NOS1AP: variants seen among roughly 807,000 people sequenced by gnomAD.
The protein encoded by NOS1AP is carboxyl-terminal PDZ ligand of neuronal nitric oxide synthase protein.
Under a neutral mutation model 56.2 loss-of-function variants are expected in NOS1AP, and 21 were observed. The observed-to-expected ratio is 0.37, with a 90% CI of 0.26 to 0.54. The LOEUF is 0.54. NOS1AP is among the 20% of genes least tolerant of loss of function. The pLI is 0.84. For synonymous variants in NOS1AP, 270 were observed against 274.6 expected, an observed-to-expected ratio of 0.98 and a Z score of 0.17; for missense variants, 522 against 657.8, an observed-to-expected ratio of 0.79 and a Z score of 2.26.
At chr1:162,187,035 C>T (rs1290058249) in intron 2 of NOS1AP, among the ~76,000 whole-genome samples, 1 of 152,078 alleles carries the variant, frequency 6.6e-6, no homozygotes, top group Non-Finnish European at 1.5e-5. Context: ...GACCTGATCT[C>T]GGCTCACTAC....
intron 1 of NOS1AP, among the ~76,000 whole-genome samples, chr1:162,108,735 C>T (rs922679395): frequency 6.6e-6 from 1 of 151,268 alleles, no homozygotes; most frequent in African/African-American, 2.4e-5. Context: ...AGGATTTATA[C>T]AGGGGGCAGA....
intron 1 of NOS1AP, among the ~76,000 whole-genome samples, chr1:162,080,423 AG>A (rs1280521411): frequency 1.3e-5 from 2 of 152,120 alleles, no homozygotes; most frequent in Admixed American, 6.5e-5. Flanking sequence ...AGTGCTTTCC[AG>A]GGGGAACTTG....
intron 2 of NOS1AP, among the ~76,000 whole-genome samples, chr1:162,192,939 C>T (rs953126019): frequency 1.3e-5 from 2 of 152,058 alleles, no homozygotes; most frequent in Non-Finnish European, 2.9e-5. Flanking sequence ...TGATTTCAGC[C>T]AGACCCTCTA....
intron 1 of NOS1AP, among the ~76,000 whole-genome samples, chr1:162,118,552 G>A (rs12082604): frequency 0.082 from 12,515 of 152,074 alleles, 994 homozygotes; most frequent in African/African-American, 0.2. Flanking sequence ...GAACATACAG[G>A]CAGGCATTTG....
intron 2 of NOS1AP, among the ~76,000 whole-genome samples, chr1:162,193,921 A>G (rs1286433967): frequency 2.0e-5 from 3 of 151,940 alleles, no homozygotes; most frequent in Non-Finnish European, 4.4e-5. Context: ...TGTCTGAGCT[A>G]TTGGCAGGGA....
At chr1:162,097,379 G>A (rs1046567558) in intron 1 of NOS1AP, among the ~76,000 whole-genome samples, 3 of 152,066 alleles carry the variant, frequency 2.0e-5, no homozygotes, top group Non-Finnish European at 4.4e-5. Flanking sequence ...ATCTTCTGAT[G>A]TATGGAACTT....
intron 1 of NOS1AP, among the ~76,000 whole-genome samples, chr1:162,088,125 A>G (rs1570999606): frequency 6.6e-6 from 1 of 152,144 alleles, no homozygotes; most frequent in East Asian, 1.9e-4. Context: ...GGATTTCTGT[A>G]GAAATTCAAG....
chr1:162,115,695 GGGA>G (rs1647917181), intron 1 of NOS1AP, among the ~76,000 whole-genome samples: 1 of 152,150 alleles, frequency 6.6e-6, no homozygotes. Context: ...ACACTGGAGT[GGGA>G]GGTTGAGGGC....
intron 3 of NOS1AP, among the ~76,000 whole-genome samples, chr1:162,289,280 T>TTCCTTCCTTCCTTCCTTC (rs1557864931): frequency 2.7e-5 from 1 of 36,412 alleles, no homozygotes; most frequent in Non-Finnish European, 5.8e-5. Context: ...TTCCTTCCTT[T>TTCCTTCCTTCCTTCCTTC]CCTTCCTTCC....
At chr1:162,153,804 T>C (rs1649814517) in intron 1 of NOS1AP, among the ~76,000 whole-genome samples, 1 of 152,206 alleles carries the variant, frequency 6.6e-6, no homozygotes, top group Admixed American at 6.5e-5. Flanking sequence ...TTTGAATAGC[T>C]TACAGTAAGA....
In NOS1AP at chr1:162,331,888, A is replaced by G. The variant is rs544698386; in HGVS notation, c.345-1129A>G. Among the ~76,000 whole-genome samples, 5 of 152,094 alleles carry G rather than the reference A, an allele frequency of 3.3e-5. No homozygotes were observed. The South Asian group carries it at 6.2e-4, about 19-fold the overall frequency. ...TGCAGCCTCTAGGGCCTTGCTTATA[A>G]TTTTCCCCCTTTCTCCAGCCTCCCC... On this transcript the variant is annotated intron_variant, in intron 4 of 9. Coordinates refer to ENST00000361897, the MANE Select transcript of NOS1AP (RefSeq NM_014697.3).
At chr1:162,122,430 G>GAGAT (rs1163879001) in intron 1 of NOS1AP, among the ~76,000 whole-genome samples, 1 of 151,980 alleles carries the variant, frequency 6.6e-6, no homozygotes, top group African/African-American at 2.4e-5. Flanking sequence ...AGGTCTTTGG[G>GAGAT]AGATATATCA....
At chr1:162,316,726 C>G (rs1656242736) in intron 4 of NOS1AP, 1 of 152,520 alleles carries the variant, frequency 6.6e-6, no homozygotes, top group Admixed American at 6.5e-5. Context: ...GGGTGGATCT[C>G]ACAAAGTACA....
intron 4 of NOS1AP, among the ~76,000 whole-genome samples, chr1:162,313,037 A>G (rs959909964): frequency 6.6e-6 from 1 of 152,182 alleles, no homozygotes; most frequent in Non-Finnish European, 1.5e-5. Context: ...CTGAATGGGC[A>G]AAAACTGGAA....
intron 2 of NOS1AP, among the ~76,000 whole-genome samples, chr1:162,217,288 A>T (rs1244420137): frequency 2.2e-4 from 1 of 4,606 alleles, no homozygotes; most frequent in African/African-American, 5.5e-4. Flanking sequence ...TTTTGAGATG[A>T]AGTCTCACTC....
chr1:162,310,637 A>G (rs1246182254), intron 4 of NOS1AP, among the ~76,000 whole-genome samples: 2 of 152,214 alleles, frequency 1.3e-5, no homozygotes, highest in African/African-American at 4.8e-5. Flanking sequence ...GGAGAATCTT[A>G]TGAACTAAGA....
chr1:162,194,202 T>C lies in NOS1AP; in HGVS notation c.177+39726T>C, dbSNP rs142579691. 4.5e-3 allele frequency among the ~76,000 whole-genome samples: 678 copies of C among 152,288 alleles called. 6 individuals carry two copies. Among genetic ancestry groups the C allele is most frequent in the African/African-American group, 0.015 (643 of 41,564 alleles). On this transcript the variant is annotated intron_variant, in intron 2 of 9. Transcript: ENST00000361897. ...CCCAATTACCATCTCGCAAGACCCCTATATGTCCCCTCTCTTCTCTTCATC... is the reference window on the plus strand; with the variant it reads ...CCCAATTACCATCTCGCAAGACCCCCATATGTCCCCTCTCTTCTCTTCATC...
intron 2 of NOS1AP, among the ~76,000 whole-genome samples, chr1:162,239,133 A>T (rs942665730): frequency 1.3e-5 from 2 of 152,212 alleles, no homozygotes; most frequent in Non-Finnish European, 2.9e-5. Flanking sequence ...TGAGTAATAG[A>T]CCAACTTTTA....
At chr1:162,264,467 TCCCC>T (rs1654348368) in intron 2 of NOS1AP, among the ~76,000 whole-genome samples, 1 of 37,170 alleles carries the variant, frequency 2.7e-5, no homozygotes, top group Non-Finnish European at 5.8e-5. Flanking sequence ...TCTCTTCTCC[TCCCC>T]TCCCCTCCCC....
Sources: gnomAD v4.1 joint callset for allele counts (sites outside exome capture counted in the v4.1 genomes callset) on GRCh38, gnomAD v4.1.1 for gene constraint, MANE v1.5 for transcripts, NCBI Gene and HGNC (gene_info 2026-07-23, HGNC 2026-07-21) for gene names.